Variants in ARHGEF10L observed in about 807,000 individuals in gnomAD.
ARHGEF10L encodes the protein rho guanine nucleotide exchange factor 10-like protein.
A neutral mutation model predicts 141.2 loss-of-function variants in ARHGEF10L; 69 were observed. The observed-to-expected ratio is 0.49, with a 90% confidence interval of 0.40 to 0.60. ARHGEF10L has a LOEUF of 0.60. Among genes scored for constraint, ARHGEF10L ranks in the 20% least tolerant of loss-of-function variants. ARHGEF10L has a pLI of 0.00. For missense variants in ARHGEF10L, 1,482 were observed against 1,734.3 expected (o/e 0.85, Z 2.58); for synonymous variants, 711 against 718.5 (o/e 0.99, Z 0.17).
intron 26 of ARHGEF10L, among the ~76,000 whole-genome samples, chr1:17,686,289 A>C (rs1188423953): frequency 6.6e-6 from 1 of 151,716 alleles, no homozygotes; most frequent in Non-Finnish European, 1.5e-5. Flanking sequence ...GTGACATCTG[A>C]GTGTTGTAGA....
At chr1:17,568,690 A>T (rs1324286837) in intron 1 of ARHGEF10L, among the ~76,000 whole-genome samples, 3 of 152,230 alleles carry the variant, frequency 2.0e-5, no homozygotes, top group African/African-American at 7.2e-5. Context: ...TGTGGGCGGC[A>T]TCCGCATTGT....
chr1:17,668,303 C>T (rs1360329524), intron 26 of ARHGEF10L, among the ~76,000 whole-genome samples: 1 of 152,254 alleles, frequency 6.6e-6, no homozygotes, highest in Non-Finnish European at 1.5e-5. Flanking sequence ...CATCCTCTCG[C>T]CTCACTGGAA....
rs192588420 is a variant in ARHGEF10L, at chr1:17,571,659, G to A, written c.-43-8894G>A. On this transcript the variant is annotated intron_variant, in intron 1 of 28. Coordinates refer to ENST00000361221, the MANE Select transcript of ARHGEF10L (RefSeq NM_018125.4). ...AGTGATTCTCCTGCCTCAGCCTCCC[G>A]AGTAACTGGGATTACAGGTGCCCGT... Among the ~76,000 whole-genome samples, 1,300 of 152,074 alleles carry A rather than the reference G, an allele frequency of 8.5e-3. 26 individuals carry two copies. The highest frequency in any genetic ancestry group is 8.6e-3 in the Non-Finnish European group (588 of 67,990).
chr1:17,645,110 T>G (rs2061522235), intron 21 of ARHGEF10L, among the ~76,000 whole-genome samples: 1 of 151,992 alleles, frequency 6.6e-6, no homozygotes, highest in Non-Finnish European at 1.5e-5. Flanking sequence ...CCAGGGGGTG[T>G]TGGCAAACAG....
chr1:17,605,686 C>T (rs937511498), intron 6 of ARHGEF10L, among the ~76,000 whole-genome samples: 31 of 152,134 alleles, frequency 2.0e-4, no homozygotes, highest in African/African-American at 6.3e-4. Flanking sequence ...TGCACAGGGC[C>T]GCTGGGAGCC....
intron 26 of ARHGEF10L, among the ~76,000 whole-genome samples, chr1:17,671,768 G>T (rs575169819): frequency 6.6e-6 from 1 of 152,298 alleles, no homozygotes; most frequent in African/African-American, 2.4e-5. Context: ...ACATCCTGGG[G>T]CCGGTTATGG....
chr1:17,636,210 C>T (rs1367635332), intron 18 of ARHGEF10L, among the ~76,000 whole-genome samples: 4 of 152,316 alleles, frequency 2.6e-5, no homozygotes, highest in South Asian at 2.1e-4. Flanking sequence ...ATCCCTCCTT[C>T]GGTGACAATG....
chr1:17,648,968 C>A (rs926598684), intron 22 of ARHGEF10L, among the ~76,000 whole-genome samples: 6 of 152,202 alleles, frequency 3.9e-5, no homozygotes, highest in Non-Finnish European at 7.3e-5. Flanking sequence ...GGCTCCAGAT[C>A]ATGCCGAAGC....
chr1:17,654,715 A>G lies in ARHGEF10L; in HGVS notation c.2474A>G (p.Tyr825Cys), dbSNP rs1170111921. The G allele has an allele frequency of 6.2e-7, 1 of 1,613,772 alleles. No homozygotes were observed. The highest frequency in any genetic ancestry group is 8.5e-7 in the Non-Finnish European group (1 of 1,179,914). The stretch of plus-strand genomic sequence containing the variant: ...GTCAGCACCTCCCTTCCACAGGGCT[A>G]CCTCTGGGTGAGTCACCCCCCTGCC... ...SAVSTSLPQG[Y>C]LWVGGGQEGA... Residue 825 changes from tyrosine (Y) to cysteine (C), a missense_variant, in exon 23 of 29, where the codon TAC becomes TGC. Around this residue, in one of 3 missense-constraint regions of ARHGEF10L, gnomAD observed 858 missense variants for 966.3 expected, o/e 0.89. Transcript: ENST00000361221. This position sits in a 1 kb window ranked among gnomAD's most constrained non-coding sequence, Gnocchi z 4.3.
rs146851870 is a variant in ARHGEF10L, at chr1:17,579,083, C to T, written c.-43-1470C>T. ...TTTCCCAGACTGGAGTGCGGTGGCA[C>T]GGTCTTGGCTCACTGCAACCTCCGC... On this transcript the variant is annotated intron_variant, in intron 1 of 28. Coordinates refer to ENST00000361221, the MANE Select transcript of ARHGEF10L (RefSeq NM_018125.4). Among the ~76,000 whole-genome samples, 1,483 of 152,086 alleles carry T rather than the reference C, an allele frequency of 9.8e-3. 29 individuals are homozygous for T. Among genetic ancestry groups the T allele is most frequent in the African/African-American group, 0.035 (1,440 of 41,466 alleles).
intron 21 of ARHGEF10L, among the ~76,000 whole-genome samples, chr1:17,648,090 T>A: frequency 6.6e-6 from 1 of 152,362 alleles, no homozygotes; most frequent in East Asian, 1.9e-4. Flanking sequence ...GGCGACCTCC[T>A]GTCCTCTGAT....
chr1:17,696,748 C>T, intron 28 of ARHGEF10L, 100 bp from the exon 29 acceptor site: 3 of 1,303,506 alleles, frequency 2.3e-6, no homozygotes, highest in Non-Finnish European at 3.1e-6. Flanking sequence ...GTGACCCCCC[C>T]AAATACCCAC....
In ARHGEF10L at chr1:17,587,634, T is replaced by A. The variant is rs1465434910; in HGVS notation, c.212T>A (p.Ile71Asn). The stretch of plus-strand genomic sequence containing the variant: ...CCCCCACTGATCCACTTGGACTCCA[T>A]CCCTGTCACTGGTAAGATGTTTCTG... ...TDPPLIHLDS[I>N]PVTDPDPAAA... The change falls in exon 3 of 29, where the codon ATC (isoleucine) becomes AAC (asparagine). Residue 71 changes from isoleucine (I) to asparagine (N), a missense_variant. Physicochemically the swap from Ile to Asn is moderately radical, Grantham distance 149. Coordinates refer to ENST00000361221, the MANE Select transcript of ARHGEF10L (RefSeq NM_018125.4). 3.7e-6 allele frequency: 6 copies of A among 1,611,016 alleles called. No homozygotes were observed. The highest frequency in any genetic ancestry group is 5.1e-6 in the Non-Finnish European group (6 of 1,178,412).
intron 25 of ARHGEF10L, among the ~76,000 whole-genome samples, chr1:17,660,259 T>A (rs924511169): frequency 6.6e-6 from 1 of 151,658 alleles, no homozygotes; most frequent in Admixed American, 6.6e-5. Context: ...TGGTTCGGAG[T>A]CCCCCCTTGA....
chr1:17,697,297 G>A lies in ARHGEF10L; in HGVS notation c.3757G>A (p.Ala1253Thr), dbSNP rs750512347. ...GGQGYRNFGS[A>T]LGSSGRQAPC... ...GCAGGGCTACCGCAACTTTGGCAGC[G>A]CTCTGGGCAGCAGTGGGAGGCAGGC... Residue 1253 changes from alanine to threonine, a missense_variant, in exon 29 of 29, where the codon GCT (alanine) becomes ACT (threonine). Coordinates refer to ENST00000361221, the MANE Select transcript of ARHGEF10L (RefSeq NM_018125.4). The surrounding 1 kb of genome is among the most constrained non-coding windows in gnomAD (Gnocchi z 4.8). 3.5e-5 allele frequency: 56 copies of A among 1,612,574 alleles called. No individual in the cohort carries two copies. The highest frequency in any genetic ancestry group is 3.3e-4 in the South Asian group (30 of 91,058).
At chr1:17,633,510 A>C (rs1414896066) in intron 16 of ARHGEF10L, among the ~76,000 whole-genome samples, 1 of 149,316 alleles carries the variant, frequency 6.7e-6, no homozygotes, top group Non-Finnish European at 1.5e-5. Flanking sequence ...CACCTAGCTA[A>C]TTTTTTTTTT....
At chr1:17,533,427 C>T in the ARHGEF10L span, among the ~76,000 whole-genome samples, 1 of 152,178 alleles carries the variant, frequency 6.6e-6, no homozygotes, top group Admixed American at 6.5e-5. Context: ...ACCTTGCCCT[C>T]CCAAAATGCT....
At chr1:17,653,812 G>C (rs1203850571) in intron 22 of ARHGEF10L, among the ~76,000 whole-genome samples, 2 of 152,252 alleles carry the variant, frequency 1.3e-5, no homozygotes, top group East Asian at 3.8e-4. Flanking sequence ...GCCTCCCTCT[G>C]ACCTTCAAGT....
chr1:17,577,067 A>G (rs2078252359), intron 1 of ARHGEF10L, among the ~76,000 whole-genome samples: 1 of 152,152 alleles, frequency 6.6e-6, no homozygotes, highest in South Asian at 2.1e-4. Context: ...TATTTTTGAG[A>G]CAGTCTTGCT....
Sources: allele counts gnomAD v4.1 joint callset (sites outside exome capture counted in the v4.1 genomes callset), GRCh38; gene constraint gnomAD v4.1.1; regional missense constraint gnomAD v4.1.1; non-coding constraint Gnocchi (gnomAD v3.1); transcripts MANE v1.5; gene names NCBI Gene and HGNC (gene_info 2026-07-23, HGNC 2026-07-21).